Variants in TGFBR3 observed in about 807,000 individuals in gnomAD.
TGFBR3 encodes the protein transforming growth factor beta receptor type 3.
A neutral mutation model predicts 87.9 loss-of-function variants in TGFBR3; 46 were observed. That is an observed-to-expected ratio of 0.52 (90% confidence interval 0.41 to 0.67). The LOEUF (loss-of-function observed/expected upper bound fraction) is 0.67. TGFBR3 is among the 30% of genes least tolerant of loss of function. The pLI, the probability that TGFBR3 is intolerant of heterozygous loss-of-function variation, is 0.00. For synonymous variants in TGFBR3, 381 were observed against 391.6 expected (o/e 0.97, Z 0.32); for missense variants, 866 against 1,041.9 (o/e 0.83, Z 2.32).
rs149232854 is a variant in TGFBR3, at chr1:91,873,672, C to G, written c.-113-12028G>C. 6.6e-5 allele frequency among the ~76,000 whole-genome samples: 10 copies of G among 152,254 alleles called. No individual in the cohort carries two copies. The East Asian group carries it at 7.7e-4, about 12-fold the overall frequency. On this transcript the variant is annotated intron_variant, in intron 1 of 16. Coordinates refer to ENST00000212355, the MANE Select transcript of TGFBR3 (RefSeq NM_003243.5). ...TAAGAAATCCATAAAATGGGCTGAG[C>G]GCTGTGGCTAACGCCTGTAATCCCA...
intron 14 of TGFBR3, among the ~76,000 whole-genome samples, chr1:91,707,241 C>T (rs933310603): frequency 1.3e-5 from 2 of 152,188 alleles, no homozygotes; most frequent in Non-Finnish European, 2.9e-5. Context: ...AAAGCAGTGC[C>T]TTAGGCTCCC....
At chr1:91,853,069 A>G (rs1440899161) in intron 2 of TGFBR3, among the ~76,000 whole-genome samples, 1 of 151,596 alleles carries the variant, frequency 6.6e-6, no homozygotes, top group Non-Finnish European at 1.5e-5. Flanking sequence ...TGTGGGGGGA[A>G]AATGGCTTGA....
chr1:91,881,891 T>C (rs1571601223), intron 1 of TGFBR3, among the ~76,000 whole-genome samples: 1 of 151,636 alleles, frequency 6.6e-6, no homozygotes, highest in African/African-American at 2.4e-5. Flanking sequence ...TATAAAAAAT[T>C]AGTCGGGCGT....
At chr1:91,868,917 G>C (rs1380973318) in intron 1 of TGFBR3, among the ~76,000 whole-genome samples, 4 of 152,172 alleles carry the variant, frequency 2.6e-5, no homozygotes, top group African/African-American at 9.7e-5. Context: ...CTGCCGTCCA[G>C]ATAAACAGCA....
chr1:91,701,244 C>T (rs1488427230), intron 14 of TGFBR3, among the ~76,000 whole-genome samples: 4 of 151,870 alleles, frequency 2.6e-5, no homozygotes, highest in African/African-American at 9.7e-5. Context: ...GAAGTCTCTT[C>T]GTGATTTCTG....
chr1:91,880,699 G>A (rs1679048247), intron 1 of TGFBR3, among the ~76,000 whole-genome samples: 1 of 151,952 alleles, frequency 6.6e-6, no homozygotes, highest in Admixed American at 6.6e-5. Flanking sequence ...GACTGAAAAA[G>A]AAGACTGTCC....
chr1:91,813,614 GA>G (rs1676102165), intron 2 of TGFBR3, among the ~76,000 whole-genome samples: 1 of 152,152 alleles, frequency 6.6e-6, no homozygotes, highest in Non-Finnish European at 1.5e-5. Flanking sequence ...ACTGTTCATA[GA>G]AATCAGATAC....
At chr1:91,718,485 CCTGTGTCAAAGG>C (rs917128932) in intron 10 of TGFBR3, among the ~76,000 whole-genome samples, 1 of 151,652 alleles carries the variant, frequency 6.6e-6, no homozygotes, top group Admixed American at 6.6e-5. Flanking sequence ...CCCAACCCAC[CCTGTGTCAAAGG>C]TGGACACAGG....
intron 1 of TGFBR3, among the ~76,000 whole-genome samples, chr1:91,863,181 A>G (rs1571583965): frequency 6.6e-6 from 1 of 152,236 alleles, no homozygotes; most frequent in Non-Finnish European, 1.5e-5. Context: ...CTATCCAGAA[A>G]TAATAACAGT....
chr1:91,901,547 C>G (rs1353806354), intron 1 of TGFBR3, among the ~76,000 whole-genome samples: 1 of 151,990 alleles, frequency 6.6e-6, no homozygotes, highest in Non-Finnish European at 1.5e-5. Context: ...TTATTGTATA[C>G]TATTATATAT....
chr1:91,809,572 G>A (rs1434958251), intron 2 of TGFBR3, among the ~76,000 whole-genome samples: 1 of 152,168 alleles, frequency 6.6e-6, no homozygotes, highest in East Asian at 1.9e-4. Flanking sequence ...CAAACTTTTG[G>A]TTTGGCTGTG....
chr1:91,764,517 T>C (rs114999027), intron 3 of TGFBR3, among the ~76,000 whole-genome samples: 2,430 of 151,986 alleles, frequency 0.016, 32 homozygotes, highest in South Asian at 0.046. Context: ...CTGGGAGCCG[T>C]TGCAAGGAGA....
At chr1:91,800,693 C>T (rs1462739042) in intron 2 of TGFBR3, among the ~76,000 whole-genome samples, 2 of 151,234 alleles carry the variant, frequency 1.3e-5, no homozygotes, top group Admixed American at 6.6e-5. Context: ...TATCCTTACA[C>T]CAAAAAGACA....
intron 3 of TGFBR3, among the ~76,000 whole-genome samples, chr1:91,778,653 T>G (rs61781084): frequency 0.065 from 9,904 of 152,262 alleles, 369 homozygotes; most frequent in African/African-American, 0.093. Context: ...ATCAACATAC[T>G]TATTTATTCA....
At chr1:91,801,006 C>T (rs1183966860) in intron 2 of TGFBR3, 1 of 220,540 alleles carries the variant, frequency 4.5e-6, no homozygotes, top group South Asian at 5.4e-5. Flanking sequence ...TCGCTTGAAC[C>T]CGGGAGGCGG....
intron 2 of TGFBR3, among the ~76,000 whole-genome samples, chr1:91,827,209 T>C (rs1571549741): frequency 6.6e-6 from 1 of 152,110 alleles, no homozygotes; most frequent in East Asian, 1.9e-4. Context: ...GAGGCTGGCA[T>C]TTGATGTTAA....
Position 91,886,049 on chromosome 1 carries a change from G to A in TGFBR3, c.-285C>T, listed in dbSNP as rs961593830. 1.3e-5 allele frequency: 6 copies of A among 453,900 alleles called. No homozygotes were observed. Among genetic ancestry groups the A allele is most frequent in the African/African-American group, 6.0e-5 (3 of 49,996 alleles). 28.1% of individuals were successfully genotyped at this position (453,900 alleles called of 1,614,324 possible). On this transcript the variant is annotated 5_prime_UTR_variant, in exon 1 of 17. Coordinates refer to ENST00000212355, the MANE Select transcript of TGFBR3 (RefSeq NM_003243.5). ...TCTCACCTCCTGCAGGGAGCTCCGG[G>A]AATCGCGCAGGGAAAGTGGCCGGGG... is the stretch of plus-strand genomic sequence containing the variant.
intron 12 of TGFBR3, among the ~76,000 whole-genome samples, chr1:91,713,045 C>T (rs1464649040): frequency 6.6e-6 from 1 of 152,146 alleles, no homozygotes; most frequent in Non-Finnish European, 1.5e-5. Context: ...TCAGAGTAAG[C>T]CTGATGAGAG....
At chr1:91,850,460 A>T (rs1273580781) in intron 2 of TGFBR3, among the ~76,000 whole-genome samples, 1 of 152,210 alleles carries the variant, frequency 6.6e-6, no homozygotes, top group Non-Finnish European at 1.5e-5. Flanking sequence ...ATGCTGTAGC[A>T]GTCCAGCGGG....
Sources: gnomAD v4.1 joint callset for allele counts (sites outside exome capture counted in the v4.1 genomes callset) on GRCh38, gnomAD v4.1.1 for gene constraint, MANE v1.5 for transcripts, NCBI Gene and HGNC (gene_info 2026-07-23, HGNC 2026-07-21) for gene names.